TTC7B: variants seen among roughly 807,000 people sequenced by gnomAD.
The protein encoded by TTC7B is tetratricopeptide repeat domain 7B, also known as tetratricopeptide repeat protein 7B.
Under a neutral mutation model 106.8 loss-of-function variants are expected in TTC7B, and 28 were observed. That is an observed-to-expected ratio of 0.26 (90% CI 0.19 to 0.36). TTC7B has a LOEUF of 0.36. Ranked by LOEUF, TTC7B falls within the 10% of genes least tolerant of loss-of-function variation. TTC7B has a pLI of 1.00. For synonymous variants in TTC7B, 405 were observed against 430.6 expected (o/e 0.94, Z 0.74); for missense variants, 862 against 1,076.4 (o/e 0.80, Z 2.79).
intron 7 of TTC7B, among the ~76,000 whole-genome samples, chr14:90,682,863 A>T (rs1363839351): frequency 1.3e-5 from 2 of 152,096 alleles, no homozygotes; most frequent in Non-Finnish European, 2.9e-5. Context: ...CATGCCACCA[A>T]CTCACTGGGT....
In TTC7B at chr14:90,525,300, A is replaced by G. The variant is rs577138727; in HGVS notation, c.*16068T>C. On this transcript the variant is annotated 3_prime_UTR_variant, in exon 20 of 20. Transcript: ENST00000328459. Reference sequence around the variant, plus strand: ...CAAGCCCCTCATATGGACAGATCACAATTCGCTTCTCCTTTGATCTGTTGG... The same window carrying G: ...CAAGCCCCTCATATGGACAGATCACGATTCGCTTCTCCTTTGATCTGTTGG... 1.5e-4 allele frequency: 23 copies of G among 152,322 alleles called. No homozygotes were observed. Among genetic ancestry groups the G allele is most frequent in the African/African-American group, 5.5e-4 (23 of 41,568 alleles). The allele number at this position is 152,322 out of a possible 1,614,324, so 9.4% of individuals were successfully genotyped here.
intron 19 of TTC7B, among the ~76,000 whole-genome samples, chr14:90,554,046 G>C (rs1890199441): frequency 6.6e-6 from 1 of 152,244 alleles, no homozygotes. Flanking sequence ...GGCTTGATCA[G>C]CCTTGCGTGA....
chr14:90,618,037 A>G lies in TTC7B; in HGVS notation c.1760T>C (p.Phe587Ser), dbSNP rs769715796. 6.8e-6 allele frequency: 11 copies of G among 1,612,902 alleles called. No homozygotes were observed. The East Asian group carries it at 2.5e-4, about 36-fold the overall frequency. Residue 587 changes from phenylalanine to serine, a missense_variant, in exon 16 of 20, where the codon TTT becomes TCT. Phe to Ser is a radical substitution (Grantham distance 155). Coordinates refer to ENST00000328459, the MANE Select transcript of TTC7B (RefSeq NM_001010854.2). Reference protein sequence around the residue: ...SEYPENFILLFSKVKLQSLCR... With the variant: ...SEYPENFILLSSKVKLQSLCR... ...GAGTGACTGCAACTTCACTTTGGAA[A>G]ACAGTAGTCTGCAGTGGGGAGACAA...
chr14:90,711,748 A>G (rs1006851778), intron 5 of TTC7B, among the ~76,000 whole-genome samples: 5 of 152,248 alleles, frequency 3.3e-5, no homozygotes, highest in African/African-American at 1.2e-4. Flanking sequence ...TTCCAAAAAA[A>G]TGCAGTTAAA....
At chr14:90,707,823 T>C (rs1030779686) in intron 5 of TTC7B, among the ~76,000 whole-genome samples, 2 of 151,882 alleles carry the variant, frequency 1.3e-5, no homozygotes, top group African/African-American at 2.4e-5. Flanking sequence ...GTTTATGAGG[T>C]TGAAGGAAAG....
At chr14:90,542,474 G>A (rs954087341) in intron 19 of TTC7B, among the ~76,000 whole-genome samples, 9 of 152,156 alleles carry the variant, frequency 5.9e-5, no homozygotes, top group African/African-American at 2.2e-4. Flanking sequence ...CTCTATAAGC[G>A]ATGCGTGTAC....
intron 9 of TTC7B, among the ~76,000 whole-genome samples, chr14:90,661,026 G>T (rs913589637): frequency 1.3e-5 from 2 of 152,166 alleles, no homozygotes; most frequent in African/African-American, 4.8e-5. Flanking sequence ...TAAAAGCAGG[G>T]CATTCTCTGC....
intron 19 of TTC7B, among the ~76,000 whole-genome samples, chr14:90,546,948 G>A (rs1889863953): frequency 6.6e-6 from 1 of 152,254 alleles, no homozygotes. Context: ...CAGGTAGCTA[G>A]CGGCAGAGCT....
intron 1 of TTC7B, among the ~76,000 whole-genome samples, chr14:90,814,162 C>T (rs1156914334): frequency 1.3e-5 from 2 of 152,200 alleles, no homozygotes; most frequent in Non-Finnish European, 2.9e-5. Flanking sequence ...CCGCAAACCC[C>T]GATCCCCAAG....
chr14:90,579,788 G>A (rs1027085475), intron 18 of TTC7B, among the ~76,000 whole-genome samples: 1 of 152,132 alleles, frequency 6.6e-6, no homozygotes, highest in East Asian at 1.9e-4. Context: ...GACTCCGTCT[G>A]AAAAACAAAA....
intron 3 of TTC7B, among the ~76,000 whole-genome samples, chr14:90,751,307 C>A (rs76595364): frequency 7.2e-5 from 11 of 152,242 alleles, no homozygotes; most frequent in Non-Finnish European, 1.6e-4. Context: ...TGAATTGCCA[C>A]GCAACCCAAA....
At chr14:90,649,413 C>T (rs3825659) in intron 13 of TTC7B, among the ~76,000 whole-genome samples, 2 of 152,146 alleles carry the variant, frequency 1.3e-5, no homozygotes, top group East Asian at 3.8e-4. Context: ...TGGGAAAGCC[C>T]CTTTGGTATG....
intron 15 of TTC7B, among the ~76,000 whole-genome samples, chr14:90,625,902 A>T (rs1031208197): frequency 1.3e-5 from 2 of 152,226 alleles, no homozygotes; most frequent in Non-Finnish European, 2.9e-5. Flanking sequence ...AGATGTTTCC[A>T]ATTAACCCAA....
At position 90,531,316 on chromosome 14, in the gene TTC7B, A is replaced by T. The variant is rs1373807153; in HGVS notation, c.*10052T>A. On this transcript the variant is annotated 3_prime_UTR_variant, in exon 20 of 20. Transcript: ENST00000328459. ...CTGGGCACAGTGGCTCACGCCTGTA[A>T]TCCCAGCACTTTGGGAGGCTGAGGC... 1 of 152,234 alleles carries T rather than the reference A, an allele frequency of 6.6e-6. No individual in the cohort carries two copies. Among genetic ancestry groups the T allele is most frequent in the Non-Finnish European group, 1.5e-5 (1 of 68,078 alleles). The allele number at this position is 152,234 out of a possible 1,614,324, so 9.4% of individuals were successfully genotyped here. A position where few individuals can be genotyped will look rare whatever the true frequency, so the allele number is the denominator to read the frequency against.
At chr14:90,795,293 G>A (rs1891737200) in intron 1 of TTC7B, among the ~76,000 whole-genome samples, 1 of 152,184 alleles carries the variant, frequency 6.6e-6, no homozygotes, top group Admixed American at 6.5e-5. Context: ...GTGAGAGCTG[G>A]GTAACAAACA....
At chr14:90,761,219 CT>C (rs1235203729) in intron 3 of TTC7B, among the ~76,000 whole-genome samples, 4 of 152,120 alleles carry the variant, frequency 2.6e-5, no homozygotes, top group African/African-American at 9.6e-5. Context: ...CTGAATTCTG[CT>C]AAGGCATAAG....
At position 90,759,508 on chromosome 14, in the gene TTC7B, C is replaced by T. The variant is rs938363481; in HGVS notation, c.446-14586G>A. 3.3e-5 allele frequency among the ~76,000 whole-genome samples: 5 copies of T among 152,120 alleles called. No individual in the cohort carries two copies. Among genetic ancestry groups the T allele is most frequent in the Admixed American group, 2.0e-4 (3 of 15,264 alleles). ...CTAAGAATAAAAACTACAGCGGCCA[C>T]CACCACACATTGCAGAGGCGAAAAC... is the stretch of plus-strand genomic sequence containing the variant. On this transcript the variant is annotated intron_variant, in intron 3 of 19. Transcript: ENST00000328459. This position sits in a 1 kb window ranked among gnomAD's most constrained non-coding sequence, Gnocchi z 4.1.
intron 1 of TTC7B, among the ~76,000 whole-genome samples, chr14:90,812,022 C>G (rs2030924730): frequency 6.6e-6 from 1 of 152,144 alleles, no homozygotes; most frequent in Admixed American, 6.5e-5. Flanking sequence ...CAGCTGGGAC[C>G]TGGCCTACCT....
At chr14:90,637,627 G>C (rs1318902753) in intron 15 of TTC7B, among the ~76,000 whole-genome samples, 1 of 152,176 alleles carries the variant, frequency 6.6e-6, no homozygotes, top group Non-Finnish European at 1.5e-5. Context: ...TAAAAAATAA[G>C]TAAAGTGAAT....
Sources: gnomAD v4.1 joint callset for allele counts (sites outside exome capture counted in the v4.1 genomes callset) on GRCh38, gnomAD v4.1.1 for gene constraint, Gnocchi (gnomAD v3.1) non-coding constraint, MANE v1.5 for transcripts, NCBI Gene and HGNC (gene_info 2026-07-23, HGNC 2026-07-21) for gene names.